FBXL17: variants seen among roughly 807,000 people sequenced by gnomAD.
FBXL17 encodes the protein F-box and leucine rich repeat protein 17, also known as F-box/LRR-repeat protein 17.
Under a neutral mutation model 66.2 loss-of-function variants are expected in FBXL17, and 22 were observed. The observed-to-expected ratio is 0.33, with a 90% CI of 0.24 to 0.47. The LOEUF is 0.47. Ranked by LOEUF, FBXL17 falls within the 20% of genes least tolerant of loss-of-function variation. FBXL17 has a pLI of 1.00. For synonymous variants in FBXL17, 474 were observed against 400.5 expected, an observed-to-expected ratio of 1.18 and a Z score of -2.19; for missense variants, 878 against 948.2, an observed-to-expected ratio of 0.93 and a Z score of 0.97.
chr5:108,126,651 C>CATATATA (rs1750717728), intron 6 of FBXL17, among the ~76,000 whole-genome samples: 1 of 108,042 alleles, frequency 9.3e-6, no homozygotes, highest in Non-Finnish European at 2.0e-5. Context: ...CTCTCTCTCT[C>CATATATA]TATATATATA....
At chr5:108,155,288 G>A (rs1449596016) in intron 6 of FBXL17, among the ~76,000 whole-genome samples, 1 of 152,098 alleles carries the variant, frequency 6.6e-6, no homozygotes, top group South Asian at 2.1e-4. Flanking sequence ...AGGTTGAGGT[G>A]GGCAGATCAC....
At chr5:107,937,591 T>G (rs183780643) in intron 7 of FBXL17, among the ~76,000 whole-genome samples, 2 of 152,174 alleles carry the variant, frequency 1.3e-5, no homozygotes, top group African/African-American at 4.8e-5. Context: ...TCCATTCTAA[T>G]CATGAGATGA....
intron 6 of FBXL17, among the ~76,000 whole-genome samples, chr5:108,113,044 T>C (rs990332400): frequency 2.6e-5 from 4 of 152,208 alleles, no homozygotes; most frequent in Admixed American, 2.6e-4. Flanking sequence ...TAAAATTGCC[T>C]AGCATACAGT....
chr5:108,100,646 A>G (rs1208219713), intron 6 of FBXL17, among the ~76,000 whole-genome samples: 1 of 152,202 alleles, frequency 6.6e-6, no homozygotes, highest in Non-Finnish European at 1.5e-5. Flanking sequence ...TCTTCTTGAT[A>G]ATTTACAATA....
At chr5:108,183,902 G>T (rs1030401504) in intron 6 of FBXL17, among the ~76,000 whole-genome samples, 1 of 152,068 alleles carries the variant, frequency 6.6e-6, no homozygotes. Context: ...TTCATATGGT[G>T]AATATTATTC....
At chr5:108,285,571 A>G (rs955483671) in intron 4 of FBXL17, among the ~76,000 whole-genome samples, 5 of 151,838 alleles carry the variant, frequency 3.3e-5, no homozygotes, top group African/African-American at 1.2e-4. Flanking sequence ...AACCACATAC[A>G]TTGTCAATGA....
intron 4 of FBXL17, among the ~76,000 whole-genome samples, chr5:108,338,621 T>C (rs1270360512): frequency 3.9e-5 from 6 of 152,074 alleles, no homozygotes; most frequent in Non-Finnish European, 1.5e-5. Flanking sequence ...GTCTGCAACC[T>C]AGATGTGGCT....
At chr5:108,180,999 C>T (rs1752979115) in intron 6 of FBXL17, among the ~76,000 whole-genome samples, 1 of 152,120 alleles carries the variant, frequency 6.6e-6, no homozygotes, top group African/African-American at 2.4e-5. Context: ...AAACTGAAAA[C>T]AGCTTTTGTA....
intron 4 of FBXL17, among the ~76,000 whole-genome samples, chr5:108,301,707 A>C (rs768951089): frequency 2.6e-5 from 4 of 151,822 alleles, no homozygotes; most frequent in Non-Finnish European, 5.9e-5. Flanking sequence ...TATATCAGTC[A>C]TTGGTATAAA....
At position 108,381,020 on chromosome 5, in the gene FBXL17, GCCGCCGCCGCCGCAGCCC is replaced by G. The variant is rs1211933399; in HGVS notation, c.654_671del (p.Cys220_Gly225del). On this transcript the variant is annotated inframe_deletion, in exon 1 of 9. Coordinates refer to ENST00000542267, the MANE Select transcript of FBXL17 (RefSeq NM_001163315.3). ...CAGGCCCTCCCCCGCCACCGCCGCC[GCCGCCGCCGCCGCAGCCC>G]CCGCCGCCGCAGCGGGGCTGCTTGC... 6 of 1,185,962 alleles carry G rather than the reference GCCGCCGCCGCCGCAGCCC, an allele frequency of 5.1e-6. No individual in the cohort carries two copies. The highest frequency in any genetic ancestry group is 5.2e-6 in the Non-Finnish European group (5 of 958,956). The allele number at this position is 1,185,962 out of a possible 1,614,324, so 73.5% of individuals were successfully genotyped here. A position where few individuals can be genotyped will look rare whatever the true frequency, so the allele number is the denominator to read the frequency against.
At chr5:107,918,044 C>A (rs1354123086) in intron 7 of FBXL17, among the ~76,000 whole-genome samples, 1 of 152,316 alleles carries the variant, frequency 6.6e-6, no homozygotes, top group East Asian at 1.9e-4. Context: ...TCTCCTTCTA[C>A]CTTCCACATT....
chr5:108,062,283 T>A (rs1580389499), intron 6 of FBXL17, among the ~76,000 whole-genome samples: 1 of 152,136 alleles, frequency 6.6e-6, no homozygotes, highest in Non-Finnish European at 1.5e-5. Flanking sequence ...GGCATTCCTA[T>A]ATTATTAAAA....
chr5:107,952,303 C>T (rs1030848594), intron 7 of FBXL17, among the ~76,000 whole-genome samples: 2 of 152,112 alleles, frequency 1.3e-5, no homozygotes, highest in African/African-American at 4.8e-5. Context: ...TTTTGTATCA[C>T]TAATAGTCTT....
chr5:108,189,339 G>C (rs1458553272), intron 5 of FBXL17, among the ~76,000 whole-genome samples: 1 of 100,022 alleles, frequency 1.0e-5, no homozygotes, highest in Non-Finnish European at 2.0e-5. Flanking sequence ...GATGGGATGG[G>C]ATGGGATGGC....
intron 6 of FBXL17, among the ~76,000 whole-genome samples, chr5:108,042,678 T>G (rs1747097563): frequency 6.6e-6 from 1 of 152,254 alleles, no homozygotes; most frequent in East Asian, 1.9e-4. Flanking sequence ...GGACAGTTAT[T>G]TCCAGGTTTT....
intron 6 of FBXL17, among the ~76,000 whole-genome samples, chr5:108,110,772 C>T (rs1227339806): frequency 1.3e-5 from 2 of 150,484 alleles, no homozygotes; most frequent in African/African-American, 4.9e-5. Flanking sequence ...CGAATTTGTG[C>T]CTCAAAGTTT....
intron 4 of FBXL17, among the ~76,000 whole-genome samples, chr5:108,238,405 G>T (rs1377466390): frequency 6.6e-6 from 1 of 152,218 alleles, no homozygotes; most frequent in African/African-American, 2.4e-5. Flanking sequence ...CCCTCTTGGA[G>T]CTTACAATTT....
chr5:107,860,954 C>T lies in FBXL17; in HGVS notation c.*766G>A, dbSNP rs1292810982. ...ACTATCCAGGAAATAAAAGCTAACA[C>T]AATGTTAACATAAAACCAACTAAAA... is the stretch of plus-strand genomic sequence containing the variant. On this transcript the variant is annotated 3_prime_UTR_variant, in exon 9 of 9. Coordinates refer to ENST00000542267, the MANE Select transcript of FBXL17 (RefSeq NM_001163315.3). The T allele has an allele frequency of 6.6e-6, 1 of 152,166 alleles. No individual in the cohort carries two copies. The highest frequency in any genetic ancestry group is 1.5e-5 in the Non-Finnish European group (1 of 68,028). 9.4% of individuals were successfully genotyped at this position (152,166 alleles called of 1,614,324 possible). A position where few individuals can be genotyped will look rare whatever the true frequency, so the allele number is the denominator to read the frequency against.
intron 4 of FBXL17, among the ~76,000 whole-genome samples, chr5:108,228,973 C>T (rs530300444): frequency 2.7e-4 from 41 of 152,228 alleles, no homozygotes; most frequent in African/African-American, 6.5e-4. Context: ...TTAAAAGCTC[C>T]GCAGGAGATT....
Sources: allele counts gnomAD v4.1 joint callset (sites outside exome capture counted in the v4.1 genomes callset), GRCh38; gene constraint gnomAD v4.1.1; transcripts MANE v1.5; gene names NCBI Gene and HGNC (gene_info 2026-07-23, HGNC 2026-07-21).